The following SLC8A2 variants were observed in gnomAD, a reference collection of about 807,000 sequenced individuals.
SLC8A2 encodes solute carrier family 8 member A2, also known as sodium/calcium exchanger 2.
A neutral mutation model predicts 70.2 loss-of-function variants in SLC8A2; 14 were observed. The ratio of observed to expected loss-of-function variants is 0.20; its 90% CI spans 0.13 to 0.31. The LOEUF (loss-of-function observed/expected upper bound fraction) is 0.31. SLC8A2 is among the 10% of genes least tolerant of loss of function. The pLI is 1.00. For missense variants in SLC8A2, 779 were observed against 1,320.1 expected (o/e 0.59, Z 6.35); for synonymous variants, 575 against 594.3 (o/e 0.97, Z 0.47).
In SLC8A2 at chr19:47,443,602, G is replaced by A. The variant is rs187123714; in HGVS notation, c.1764-2162C>T. Among the ~76,000 whole-genome samples, 273 of 152,274 alleles carry A rather than the reference G, an allele frequency of 1.8e-3. 3 individuals carry two copies. The highest frequency in any genetic ancestry group is 0.018 in the Admixed American group (272 of 15,288). ...GGACCAGATGCCCGTCAGTTAGCAC[G>A]ACTCCCCCACCACAGCCTTGGCGAC... On this transcript the variant is annotated intron_variant, in intron 4 of 9. Coordinates refer to ENST00000236877, the MANE Select transcript of SLC8A2 (RefSeq NM_015063.3).
chr19:47,443,099 T>C (rs915955488), intron 4 of SLC8A2, among the ~76,000 whole-genome samples: 2 of 152,234 alleles, frequency 1.3e-5, no homozygotes, highest in Admixed American at 6.5e-5. Context: ...AGTTCATTTA[T>C]GTTTTTTGTT....
chr19:47,456,973 T>C lies in SLC8A2; in HGVS notation c.1297A>G (p.Thr433Ala). ...CCCGCCTTGGCAGAGCCGTCCTCAG[T>C]GCGGTAGTCCACGTAGAAGGTGCTG... ...GNSTFYVDYR[T>A]EDGSAKAGSD... The change falls in exon 3 of 10, where the codon ACT becomes GCT. Residue 433 changes from threonine (T) to alanine (A), a missense_variant. Physicochemically the swap from Thr to Ala is moderately conservative, Grantham distance 58. Coordinates refer to ENST00000236877, the MANE Select transcript of SLC8A2 (RefSeq NM_015063.3). 1 of 1,612,332 alleles carries C rather than the reference T, an allele frequency of 6.2e-7. No individual in the cohort carries two copies.
Position 47,456,998 on chromosome 19 carries a change from G to A in SLC8A2, c.1272C>T (p.Asn424=), listed in dbSNP as rs1967312272. 1 of 1,612,778 alleles carries A rather than the reference G, an allele frequency of 6.2e-7. No homozygotes were observed. The highest frequency in any genetic ancestry group is 1.3e-5 in the African/African-American group (1 of 74,860). Residue 424 remains asparagine (N), a synonymous_variant, in exon 3 of 10, where the codon AAC becomes AAT. Transcript: ENST00000236877. ...TGCGGTAGTCCACGTAGAAGGTGCT[G>A]TTGCCCTCGCCGCCCTGGCACGTGA... is the stretch of plus-strand genomic sequence containing the variant. ...LSVTCQGGEG[N]STFYVDYRTE...
intron 2 of SLC8A2, among the ~76,000 whole-genome samples, chr19:47,463,309 A>G (rs1039604233): frequency 1.4e-5 from 2 of 147,414 alleles, no homozygotes; most frequent in African/African-American, 5.0e-5. Context: ...ATTTTTTTGT[A>G]TTTTTAGCAG....
rs1205945816 is a variant in SLC8A2 at position 47,466,564 on chromosome 19, A to C, written c.-16-145T>G. ...TGGGGACTGAGGGCGACAGAGACAC[A>C]GAGAGTGACAGACAGAGACCCACAG... On this transcript the variant is annotated intron_variant, in intron 1 of 9. Coordinates refer to ENST00000236877, the MANE Select transcript of SLC8A2 (RefSeq NM_015063.3). The surrounding 1 kb of genome is among the most constrained non-coding windows in gnomAD (Gnocchi z 6.9). 3 of 535,472 alleles carry C rather than the reference A, an allele frequency of 5.6e-6. No homozygotes were observed. The highest frequency in any genetic ancestry group is 9.8e-6 in the Non-Finnish European group (3 of 306,412). The allele number at this position is 535,472 out of a possible 1,614,324, so 33.2% of individuals were successfully genotyped here. A position where few individuals can be genotyped will look rare whatever the true frequency, so the allele number is the denominator to read the frequency against.
intron 3 of SLC8A2, among the ~76,000 whole-genome samples, chr19:47,452,917 C>T (rs921540487): frequency 6.6e-5 from 10 of 151,954 alleles, no homozygotes; most frequent in African/African-American, 2.4e-4. Context: ...CCTGTAATCC[C>T]AGCTACTCAA....
At position 47,428,131 on chromosome 19, in the gene SLC8A2, A is replaced by C. The variant is rs1335668984; in HGVS notation, c.*1958T>G. 1.3e-5 allele frequency: 2 copies of C among 152,062 alleles called. No homozygotes were observed. The highest frequency in any genetic ancestry group is 3.8e-4 in the East Asian group (2 of 5,202). 9.4% of individuals were successfully genotyped at this position (152,062 alleles called of 1,614,324 possible). A position where few individuals can be genotyped will look rare whatever the true frequency, so the allele number is the denominator to read the frequency against. On this transcript the variant is annotated 3_prime_UTR_variant, in exon 10 of 10. Coordinates refer to ENST00000236877, the MANE Select transcript of SLC8A2 (RefSeq NM_015063.3). ...TCCCAGGATGCCCATAAAGAGAAAC[A>C]GTTTGTGGCTCATGCATGGGGGCGT... is the stretch of plus-strand genomic sequence containing the variant.
At chr19:47,470,491 C>T (rs1045854226) in intron 1 of SLC8A2, among the ~76,000 whole-genome samples, 1 of 152,084 alleles carries the variant, frequency 6.6e-6, no homozygotes, top group African/African-American at 2.4e-5. Context: ...GTGTGTTGGC[C>T]AGGGCCCTCT....
intron 7 of SLC8A2, 104 bp downstream of exon 7, chr19:47,437,745 T>C: frequency 7.0e-7 from 1 of 1,428,182 alleles, no homozygotes; most frequent in South Asian, 1.2e-5. Context: ...GTGGGACCCT[T>C]CTTTGGCTTG....
Position 47,448,323 on chromosome 19 carries a change from A to G in SLC8A2, c.1341-92T>C, listed in dbSNP as rs1967195728. ...GGAGTCTGGACGTGCTTCCCAGAGG[A>G]GACGTAGGTGCCATAGAAGAACTCC... On this transcript the variant is annotated intron_variant, in intron 3 of 9. Coordinates refer to ENST00000236877, the MANE Select transcript of SLC8A2 (RefSeq NM_015063.3). This position sits in a 1 kb window ranked among gnomAD's most constrained non-coding sequence, Gnocchi z 4.8. 1 of 942,220 alleles carries G rather than the reference A, an allele frequency of 1.1e-6. No individual in the cohort carries two copies. The highest frequency in any genetic ancestry group is 1.6e-5 in the African/African-American group (1 of 60,976). The allele number at this position is 942,220 out of a possible 1,614,324, so 58.4% of individuals were successfully genotyped here.
Position 47,465,599 on chromosome 19 carries a change from A to T in SLC8A2, c.675+130T>A. ...GTAGTCTGGTGACCTGCACAACCGT[A>T]CTTGGCAGCCCTCTCAGATGTGAGT... On this transcript the variant is annotated intron_variant, in intron 2 of 9. Coordinates refer to ENST00000236877, the MANE Select transcript of SLC8A2 (RefSeq NM_015063.3). This position sits in a 1 kb window ranked among gnomAD's most constrained non-coding sequence, Gnocchi z 5.5. 1.2e-6 allele frequency: 1 copy of T among 818,160 alleles called. No homozygotes were observed. Among genetic ancestry groups the T allele is most frequent in the Non-Finnish European group, 1.9e-6 (1 of 528,110 alleles). The allele number at this position is 818,160 out of a possible 1,614,324, so 50.7% of individuals were successfully genotyped here.
chr19:47,430,168 G>C lies in SLC8A2; in HGVS notation c.2687C>G (p.Thr896Ser). The change falls in exon 10 of 10, where the codon ACC becomes AGC. Residue 896 changes from threonine to serine, a missense_variant. This residue lies in a region of SLC8A2 where 108 missense variants were observed against 269.6 expected (regional missense o/e 0.40). Coordinates refer to ENST00000236877, the MANE Select transcript of SLC8A2 (RefSeq NM_015063.3). This position sits in a 1 kb window ranked among gnomAD's most constrained non-coding sequence, Gnocchi z 5.9. ...GGPRGPKLAT[T>S]ALFLGLWLLY... The stretch of plus-strand genomic sequence containing the variant: ...GAGCCAGAGGCCCAGGAAGAGCGCG[G>C]TGGTGGCGAGCTTGGGTCCGCGCGG... The C allele has an allele frequency of 6.3e-7, 1 of 1,598,408 alleles. No individual in the cohort carries two copies. Among genetic ancestry groups the C allele is most frequent in the Non-Finnish European group, 8.5e-7 (1 of 1,172,578 alleles).
At chr19:47,464,931 A>G (rs1967439279) in intron 2 of SLC8A2, among the ~76,000 whole-genome samples, 1 of 152,260 alleles carries the variant, frequency 6.6e-6, no homozygotes, top group Non-Finnish European at 1.5e-5. Context: ...ATGAGAATAT[A>G]GGTATAAATT....
chr19:47,447,590 G>T lies in SLC8A2; in HGVS notation c.1763+219C>A. On this transcript the variant is annotated intron_variant, in intron 4 of 9. Coordinates refer to ENST00000236877, the MANE Select transcript of SLC8A2 (RefSeq NM_015063.3). This position sits in a 1 kb window ranked among gnomAD's most constrained non-coding sequence, Gnocchi z 5.1. Reference sequence around the variant, plus strand: ...TCACTCAGGCCCCTCTCCTCCTGAGGGCCCAGCTGTTCAGTGAAGCCCCGC... The same window carrying T: ...TCACTCAGGCCCCTCTCCTCCTGAGTGCCCAGCTGTTCAGTGAAGCCCCGC... The T allele has an allele frequency of 1.9e-6, 1 of 529,732 alleles. No individual in the cohort carries two copies. Among genetic ancestry groups the T allele is most frequent in the Non-Finnish European group, 3.3e-6 (1 of 305,880 alleles). 32.8% of individuals were successfully genotyped at this position (529,732 alleles called of 1,614,324 possible).
rs187931497 is a variant in SLC8A2, at chr19:47,465,347, C to T, written c.675+382G>A. Among the ~76,000 whole-genome samples the T allele has an allele frequency of 5.0e-4, 76 of 152,302 alleles. No homozygotes were observed. The highest frequency in any genetic ancestry group is 1.3e-3 in the African/African-American group (52 of 41,578). ...GAGTGTAGGAAAACATGTGAACATA[C>T]GTAGCATGCATTACACAGATCACAG... is the stretch of plus-strand genomic sequence containing the variant. On this transcript the variant is annotated intron_variant, in intron 2 of 9. Coordinates refer to ENST00000236877, the MANE Select transcript of SLC8A2 (RefSeq NM_015063.3). The surrounding 1 kb of genome is among the most constrained non-coding windows in gnomAD (Gnocchi z 5.5).
At chr19:47,458,384 TTCTG>T (rs1967343808) in intron 2 of SLC8A2, among the ~76,000 whole-genome samples, 1 of 146,282 alleles carries the variant, frequency 6.8e-6, no homozygotes. Flanking sequence ...CCCCACCTCT[TTCTG>T]TCTCTCTTCA....
At position 47,432,651 on chromosome 19, in the gene SLC8A2, G is replaced by C; in HGVS notation, c.2111-206C>G. ...AAGCTAGGAGCTTGATTGGGCCCAG[G>C]TGAAAAATATTTACTTTCCCAGAAT... is the stretch of plus-strand genomic sequence containing the variant. On this transcript the variant is annotated intron_variant, in intron 8 of 9. Transcript: ENST00000236877. This position sits in a 1 kb window ranked among gnomAD's most constrained non-coding sequence, Gnocchi z 6.2. 2.0e-6 allele frequency: 1 copy of C among 488,432 alleles called. No homozygotes were observed. Among genetic ancestry groups the C allele is most frequent in the South Asian group, 4.2e-5 (1 of 23,740 alleles). The allele number at this position is 488,432 out of a possible 1,614,324, so 30.3% of individuals were successfully genotyped here.
At chr19:47,464,134 T>TA (rs1261344803) in intron 2 of SLC8A2, among the ~76,000 whole-genome samples, 1 of 152,158 alleles carries the variant, frequency 6.6e-6, no homozygotes, top group Non-Finnish European at 1.5e-5. Flanking sequence ...TTTTTTTAGA[T>TA]AGAGTCTCAC....
chr19:47,458,664 CTGTT>C (rs1967348816), intron 2 of SLC8A2, among the ~76,000 whole-genome samples: 1 of 137,540 alleles, frequency 7.3e-6, no homozygotes, highest in South Asian at 2.6e-4. Context: ...CTTTTTGTCT[CTGTT>C]TGGCTCTTGC....
Sources: gnomAD v4.1 joint callset for allele counts (sites outside exome capture counted in the v4.1 genomes callset) on GRCh38, gnomAD v4.1.1 for gene constraint, gnomAD v4.1.1 regional missense constraint, Gnocchi (gnomAD v3.1) non-coding constraint, MANE v1.5 for transcripts, NCBI Gene and HGNC (gene_info 2026-07-23, HGNC 2026-07-21) for gene names.